LPAR3: variants seen among roughly 807,000 people sequenced by gnomAD.
LPAR3 encodes LPA receptor 3.
LPAR3 carries 7 observed loss-of-function variants against 17.8 expected under a neutral mutation model. That is an observed-to-expected ratio of 0.39 (90% CI 0.22 to 0.74). The LOEUF (loss-of-function observed/expected upper bound fraction) is 0.74. LPAR3 is among the 30% of genes least tolerant of loss of function. LPAR3 has a pLI of 0.40. For synonymous variants in LPAR3, 179 were observed against 179.9 expected (o/e 0.99, Z 0.04); for missense variants, 391 against 453.4 (o/e 0.86, Z 1.25).
chr1:84,831,699 T>C (rs1432704565), intron 2 of LPAR3, among the ~76,000 whole-genome samples: 1 of 151,678 alleles, frequency 6.6e-6, no homozygotes, highest in African/African-American at 2.4e-5. Flanking sequence ...TGTATCCAAA[T>C]GTGGAAACCC....
At chr1:84,892,144 C>G (rs970822894) in intron 1 of LPAR3, among the ~76,000 whole-genome samples, 1 of 151,744 alleles carries the variant, frequency 6.6e-6, no homozygotes, top group East Asian at 1.9e-4. Flanking sequence ...ACCTGGGAGG[C>G]GGAGGTTGCA....
intron 2 of LPAR3, among the ~76,000 whole-genome samples, chr1:84,814,718 T>C (rs530896740): frequency 6.6e-6 from 1 of 152,342 alleles, no homozygotes; most frequent in South Asian, 2.1e-4. Flanking sequence ...CACCTGCTCA[T>C]AAATTTCATT....
At chr1:84,836,239 G>A (rs1220215779) in intron 2 of LPAR3, among the ~76,000 whole-genome samples, 1 of 150,750 alleles carries the variant, frequency 6.6e-6, no homozygotes, top group Non-Finnish European at 1.5e-5. Context: ...TCAGGAGGCT[G>A]AGCTGGGAGG....
chr1:84,870,292 A>C (rs754559278), intron 1 of LPAR3, among the ~76,000 whole-genome samples: 1 of 152,158 alleles, frequency 6.6e-6, no homozygotes, highest in Non-Finnish European at 1.5e-5. Flanking sequence ...CTTGTGACCC[A>C]GTATTTTCTT....
intron 2 of LPAR3, among the ~76,000 whole-genome samples, chr1:84,860,574 G>A (rs955756748): frequency 6.6e-6 from 1 of 151,918 alleles, no homozygotes; most frequent in African/African-American, 2.4e-5. Flanking sequence ...ACACTCAACA[G>A]CCCCTGTCCA....
At chr1:84,884,006 T>C (rs1660412461) in intron 1 of LPAR3, among the ~76,000 whole-genome samples, 2 of 152,276 alleles carry the variant, frequency 1.3e-5, no homozygotes, top group Non-Finnish European at 2.9e-5. Flanking sequence ...TAACTCTTTG[T>C]TAAGCATGTA....
At chr1:84,833,034 A>G (rs1659320095) in intron 2 of LPAR3, among the ~76,000 whole-genome samples, 1 of 152,220 alleles carries the variant, frequency 6.6e-6, no homozygotes. Context: ...AAGGCTAAGA[A>G]AGATTAACGC....
intron 1 of LPAR3, among the ~76,000 whole-genome samples, chr1:84,886,481 A>G (rs993866256): frequency 4.6e-5 from 7 of 152,170 alleles, no homozygotes; most frequent in Non-Finnish European, 7.4e-5. Context: ...AACTATGATC[A>G]CGCCACTGCA....
chr1:84,888,225 G>C (rs1407711625), intron 1 of LPAR3, among the ~76,000 whole-genome samples: 1 of 151,780 alleles, frequency 6.6e-6, no homozygotes, highest in East Asian at 1.9e-4. Context: ...GAGAGAGGGA[G>C]AGATTGAGAT....
intron 1 of LPAR3, 29 bp from the exon 2 acceptor site, chr1:84,866,167 T>TG: frequency 1.3e-6 from 2 of 1,489,254 alleles, no homozygotes; most frequent in Non-Finnish European, 1.8e-6. Flanking sequence ...AAGAAACAAA[T>TG]ATCATTTGTA....
At chr1:84,892,560 C>A (rs1660572802) in intron 1 of LPAR3, among the ~76,000 whole-genome samples, 1 of 152,224 alleles carries the variant, frequency 6.6e-6, no homozygotes. Flanking sequence ...CCAGCGGACA[C>A]AGCACAGTAC....
intron 2 of LPAR3, among the ~76,000 whole-genome samples, chr1:84,850,179 C>A (rs552232043): frequency 4.6e-5 from 7 of 151,974 alleles, no homozygotes; most frequent in Non-Finnish European, 8.8e-5. Flanking sequence ...GAACAAAAGA[C>A]CCACAAATTA....
intron 2 of LPAR3, among the ~76,000 whole-genome samples, chr1:84,822,338 C>T (rs777143277): frequency 2.6e-5 from 4 of 152,094 alleles, no homozygotes; most frequent in African/African-American, 4.8e-5. Context: ...AAATCAATAA[C>T]GTGAGTTCAA....
intron 2 of LPAR3, among the ~76,000 whole-genome samples, chr1:84,862,413 G>A (rs10873661): frequency 0.6 from 91,291 of 152,068 alleles, 27,534 homozygotes; most frequent in African/African-American, 0.67. Context: ...GGCCAGCTGC[G>A]CAGTGAGTCT....
chr1:84,815,921 C>A (rs1209866413), intron 2 of LPAR3, among the ~76,000 whole-genome samples: 1 of 152,128 alleles, frequency 6.6e-6, no homozygotes, highest in South Asian at 2.1e-4. Context: ...TTATTATTTT[C>A]GGTCTGGCTG....
intron 2 of LPAR3, among the ~76,000 whole-genome samples, chr1:84,830,122 G>A (rs1482007759): frequency 1.3e-5 from 2 of 152,182 alleles, no homozygotes; most frequent in Non-Finnish European, 2.9e-5. Context: ...AATTCCCAGG[G>A]AGAAAAGTTC....
intron 2 of LPAR3, among the ~76,000 whole-genome samples, chr1:84,863,742 T>C (rs763880710): frequency 2.6e-5 from 4 of 152,288 alleles, no homozygotes; most frequent in African/African-American, 7.2e-5. Flanking sequence ...CTCAATAAAA[T>C]TGCCACACCC....
rs1251803509 is a variant in LPAR3, at chr1:84,829,073, GCCATGTAAATTAAT to G, written c.737-14916_737-14903del. On this transcript the variant is annotated intron_variant, in intron 2 of 2. Coordinates refer to ENST00000370611, the MANE Select transcript of LPAR3 (RefSeq NM_012152.3). ...TATCTTTGGAGAGGTTTTTCTTTGT[GCCATGTAAATTAAT>G]ACCCAGCCCAGCAGCCATTCCCTAA... is the stretch of plus-strand genomic sequence containing the variant. Among the ~76,000 whole-genome samples, 702 of 148,648 alleles carry G rather than the reference GCCATGTAAATTAAT, an allele frequency of 4.7e-3. 8 individuals are homozygous for G. Among genetic ancestry groups the G allele is most frequent in the African/African-American group, 0.017 (677 of 39,886 alleles).
intron 2 of LPAR3, among the ~76,000 whole-genome samples, chr1:84,831,948 A>G: frequency 6.6e-6 from 1 of 151,894 alleles, no homozygotes; most frequent in Non-Finnish European, 1.5e-5. Flanking sequence ...TATGTTATAT[A>G]TAGGTAATTC....
Sources: allele counts gnomAD v4.1 joint callset (sites outside exome capture counted in the v4.1 genomes callset), GRCh38; gene constraint gnomAD v4.1.1; transcripts MANE v1.5; gene names NCBI Gene and HGNC (gene_info 2026-07-23, HGNC 2026-07-21).